The following RNF170 variants were observed in gnomAD, a reference collection of about 807,000 sequenced individuals.
RNF170 encodes the protein E3 ubiquitin-protein ligase RNF170.
RNF170 carries 12 observed loss-of-function variants against 32.7 expected under a neutral mutation model. The observed-to-expected ratio is 0.37, with a 90% CI of 0.24 to 0.60. RNF170 has a LOEUF of 0.60. Among genes scored for constraint, RNF170 ranks in the 20% least tolerant of loss-of-function variants. RNF170 has a pLI of 0.72. For missense variants in RNF170, 212 were observed against 311.2 expected (o/e 0.68, Z 2.40); for synonymous variants, 91 against 103.6 (o/e 0.88, Z 0.74).
chr8:42,872,937 G>A (rs1804632393), intron 3 of RNF170, among the ~76,000 whole-genome samples: 3 of 152,026 alleles, frequency 2.0e-5, no homozygotes, highest in African/African-American at 4.8e-5. Flanking sequence ...TATAATCCCA[G>A]CACTTTGGTT....
At chr8:42,866,398 G>A (rs79294401) in intron 4 of RNF170, among the ~76,000 whole-genome samples, 4,513 of 151,764 alleles carry the variant, frequency 0.03, 224 homozygotes, top group African/African-American at 0.1. Context: ...AAAATTAGCC[G>A]GGGGTGGTGG....
chr8:42,887,703 C>T (rs1197181809), intron 2 of RNF170, 25 bp downstream of exon 2: 1 of 1,613,072 alleles, frequency 6.2e-7, no homozygotes. Context: ...CAAATCTACT[C>T]AATTCTTTTG....
At chr8:42,891,045 CTT>C (rs1261382097) in intron 1 of RNF170, among the ~76,000 whole-genome samples, 4 of 152,180 alleles carry the variant, frequency 2.6e-5, no homozygotes, top group Non-Finnish European at 5.9e-5. Flanking sequence ...TGTTCTCCAA[CTT>C]TTGTTGTTCA....
At chr8:42,887,069 G>T (rs1327048075) in intron 2 of RNF170, among the ~76,000 whole-genome samples, 1 of 152,070 alleles carries the variant, frequency 6.6e-6, no homozygotes, top group Non-Finnish European at 1.5e-5. Flanking sequence ...GACGCAGGTG[G>T]ATCACCTCAG....
chr8:42,889,959 CCT>C (rs368835023), intron 1 of RNF170, among the ~76,000 whole-genome samples: 96 of 152,212 alleles, frequency 6.3e-4, no homozygotes, highest in Admixed American at 2.5e-3. Flanking sequence ...AATGTTATCC[CCT>C]GTGTCAAGAT....
At chr8:42,897,080 C>T, upstream of RNF170, 4 of 1,219,650 alleles carry the variant, frequency 3.3e-6, no homozygotes, top group African/African-American at 1.6e-5. Flanking sequence ...CCCGACAGAG[C>T]GGCGGCGGTG....
chr8:42,850,683 C>T, downstream of RNF170: 16 of 1,291,142 alleles, frequency 1.2e-5, no homozygotes, highest in Non-Finnish European at 1.7e-5. Context: ...GCTGAGATGT[C>T]TGAATGCCTC....
chr8:42,861,749 C>A lies in RNF170; in HGVS notation c.503G>T (p.Arg168Ile), dbSNP rs760626883. The A allele has an allele frequency of 3.1e-6, 5 of 1,605,534 alleles. No homozygotes were observed. The South Asian group carries it at 5.5e-5, about 18-fold the overall frequency. The change falls in exon 6 of 7, where the codon AGA becomes ATA. Residue 168 changes from arginine to isoleucine, a missense_variant. By Grantham distance (97) the Arg-to-Ile change is moderately conservative. Transcript: ENST00000527424. The stretch of plus-strand genomic sequence containing the variant: ...ACATGCTTTAGCATTACTTACAGAT[C>A]TGGGTTGCCCTGAGAATCTCCGGTT... Reference protein sequence around the residue: ...DYNRRFSGQPRSIMERIMDLP... With the variant: ...DYNRRFSGQPISIMERIMDLP...
chr8:42,853,391 A>G lies in RNF170; in HGVS notation c.*2768T>C, dbSNP rs1227008214. On this transcript the variant is annotated 3_prime_UTR_variant, in exon 7 of 7. Coordinates refer to ENST00000527424, the MANE Select transcript of RNF170 (RefSeq NM_030954.4). Reference sequence around the variant, plus strand: ...TTGAACCAAACCACCAGTCTTCTACAACAACTCTGTGAGGTAGGTATCTGC... The same window carrying G: ...TTGAACCAAACCACCAGTCTTCTACGACAACTCTGTGAGGTAGGTATCTGC... The G allele has an allele frequency of 1.6e-6, 2 of 1,285,806 alleles. No individual in the cohort carries two copies. The highest frequency in any genetic ancestry group is 1.1e-4 in the East Asian group (2 of 18,020). 79.6% of individuals were successfully genotyped at this position (1,285,806 alleles called of 1,614,324 possible). A position where few individuals can be genotyped will look rare whatever the true frequency, so the allele number is the denominator to read the frequency against.
chr8:42,872,332 A>C (rs965171311), intron 3 of RNF170, among the ~76,000 whole-genome samples: 1 of 152,240 alleles, frequency 6.6e-6, no homozygotes, highest in African/African-American at 2.4e-5. Context: ...TTATGTCTAA[A>C]GATTAAATAC....
At chr8:42,874,499 C>T (rs183944744) in intron 2 of RNF170, among the ~76,000 whole-genome samples, 96 of 150,684 alleles carry the variant, frequency 6.4e-4, no homozygotes, top group Admixed American at 2.6e-3. Context: ...CCAGCACTTT[C>T]GGAGGCCAAG....
intron 6 of RNF170, among the ~76,000 whole-genome samples, chr8:42,860,324 T>C (rs1427216465): frequency 6.6e-6 from 1 of 152,264 alleles, no homozygotes; most frequent in Non-Finnish European, 1.5e-5. Flanking sequence ...AATGTGCTAG[T>C]TTTTGATTTA....
chr8:42,892,555 C>A (rs1806390250), intron 1 of RNF170, among the ~76,000 whole-genome samples: 1 of 152,030 alleles, frequency 6.6e-6, no homozygotes, highest in Admixed American at 6.6e-5. Flanking sequence ...TGCTCAATTG[C>A]TTCACCCTCA....
chr8:42,863,964 G>GAA (rs1563663073), intron 5 of RNF170, among the ~76,000 whole-genome samples: 4 of 128,316 alleles, frequency 3.1e-5, no homozygotes, highest in African/African-American at 5.6e-5. Context: ...AAAGGCTGAA[G>GAA]GAGAGAGAGA....
At chr8:42,879,021 C>T (rs933623257) in intron 2 of RNF170, among the ~76,000 whole-genome samples, 2 of 152,184 alleles carry the variant, frequency 1.3e-5, no homozygotes, top group African/African-American at 4.8e-5. Flanking sequence ...ACCTACTGCT[C>T]AGAAAAATGA....
upstream of RNF170, chr8:42,896,703 C>T (rs1260715244): frequency 6.5e-6 from 2 of 308,892 alleles, no homozygotes; most frequent in Admixed American, 3.4e-5. Context: ...AGCGCGTGCT[C>T]GCCTCGACAC....
Position 42,887,786 on chromosome 8 carries a change from G to A in RNF170, c.79C>T (p.Leu27Phe), listed in dbSNP as rs1805945314. ...GCGAAACTGACCACAACTGCCACAAGTACTTGGTCGCTTACTCCTTCTATA... is the reference window on the plus strand; with the variant it reads ...GCGAAACTGACCACAACTGCCACAAATACTTGGTCGCTTACTCCTTCTATA... ...SVIEGVSDQV[L>F]VAVVVSFALI... is the part of the protein sequence containing the mutation. The change falls in exon 2 of 7, where the codon CTT becomes TTT. Residue 27 changes from leucine to phenylalanine, a missense_variant. Physicochemically the swap from Leu to Phe is conservative, Grantham distance 22. Coordinates refer to ENST00000527424, the MANE Select transcript of RNF170 (RefSeq NM_030954.4). 1.2e-6 allele frequency: 2 copies of A among 1,613,784 alleles called. No homozygotes were observed. Among genetic ancestry groups the A allele is most frequent in the Non-Finnish European group, 8.5e-7 (1 of 1,179,678 alleles).
At chr8:42,896,615 C>T (rs1169876551), upstream of RNF170, 2 of 453,636 alleles carry the variant, frequency 4.4e-6, no homozygotes, top group Admixed American at 4.7e-5. Context: ...CGGGTGCGGG[C>T]GCACGCGCAC....
intron 5 of RNF170, among the ~76,000 whole-genome samples, chr8:42,863,591 G>A (rs997685554): frequency 5.3e-5 from 8 of 151,844 alleles, no homozygotes; most frequent in African/African-American, 1.2e-4. Flanking sequence ...ACAGGTGTGC[G>A]CCACCATGCG....
Sources: allele counts gnomAD v4.1 joint callset (sites outside exome capture counted in the v4.1 genomes callset), GRCh38; gene constraint gnomAD v4.1.1; transcripts MANE v1.5; gene names NCBI Gene and HGNC (gene_info 2026-07-23, HGNC 2026-07-21).